Variants in RBM19 observed in about 807,000 individuals in gnomAD.
RBM19 encodes probable RNA-binding protein 19.
A neutral mutation model predicts 116.8 loss-of-function variants in RBM19; 94 were observed. That is an observed-to-expected ratio of 0.80 (90% CI 0.68 to 0.95). RBM19 has a LOEUF of 0.95. Ranked by LOEUF, RBM19 falls within the 40% of genes least tolerant of loss-of-function variation. The pLI is 0.00. For missense variants in RBM19, 1,161 were observed against 1,220.7 expected (o/e 0.95, Z 0.73); for synonymous variants, 475 against 494.1 (o/e 0.96, Z 0.51).
intron 23 of RBM19, among the ~76,000 whole-genome samples, chr12:113,836,491 G>A (rs891210788): frequency 2.0e-5 from 3 of 152,038 alleles, no homozygotes; most frequent in African/African-American, 7.3e-5. Context: ...GAAGGCTTCC[G>A]CTTGGTGGGG....
chr12:113,910,675 CTTA>C (rs1405610044), intron 21 of RBM19, among the ~76,000 whole-genome samples: 2 of 152,238 alleles, frequency 1.3e-5, no homozygotes, highest in South Asian at 2.1e-4. Flanking sequence ...TAACAACAGT[CTTA>C]CCATGTTGGG....
chr12:113,951,751 A>G (rs1871485836), intron 8 of RBM19, among the ~76,000 whole-genome samples: 1 of 152,238 alleles, frequency 6.6e-6, no homozygotes, highest in South Asian at 2.1e-4. Context: ...GAAGAAATGC[A>G]GAAACATGAC....
chr12:113,858,111 C>T (rs1386625450), intron 22 of RBM19, among the ~76,000 whole-genome samples: 1 of 152,270 alleles, frequency 6.6e-6, no homozygotes, highest in Non-Finnish European at 1.5e-5. Context: ...TTGGGTACAG[C>T]CAGGCTCTTG....
At chr12:113,938,026 C>T (rs984987534) in intron 15 of RBM19, among the ~76,000 whole-genome samples, 7 of 152,100 alleles carry the variant, frequency 4.6e-5, no homozygotes, top group Non-Finnish European at 8.8e-5. Flanking sequence ...GCTGTGTGAT[C>T]GTGGGTCAGG....
intron 16 of RBM19, among the ~76,000 whole-genome samples, chr12:113,936,428 A>ACTC (rs2135898149): frequency 6.6e-6 from 1 of 152,346 alleles, no homozygotes; most frequent in East Asian, 1.9e-4. Flanking sequence ...CACTCGTGAC[A>ACTC]CTCAGAGGCA....
chr12:113,924,576 G>A, intron 18 of RBM19, 121 bp downstream of exon 18: 1 of 885,022 alleles, frequency 1.1e-6, no homozygotes. Flanking sequence ...TCAGAAAAAA[G>A]AGAACCTTCA....
chr12:113,955,290 T>G, intron 6 of RBM19, 79 bp from the exon 7 acceptor site: 2 of 1,388,398 alleles, frequency 1.4e-6, no homozygotes, highest in East Asian at 2.3e-5. Context: ...CTGGGACATT[T>G]CAGTGCCAGA....
At chr12:113,854,986 C>T (rs1042292602) in intron 22 of RBM19, among the ~76,000 whole-genome samples, 1 of 152,250 alleles carries the variant, frequency 6.6e-6, no homozygotes, top group Non-Finnish European at 1.5e-5. Flanking sequence ...CTGAGCTCTG[C>T]CACAACAGCC....
At chr12:113,834,316 A>C (rs1271677986) in intron 23 of RBM19, among the ~76,000 whole-genome samples, 1 of 152,182 alleles carries the variant, frequency 6.6e-6, no homozygotes, top group Non-Finnish European at 1.5e-5. Flanking sequence ...TGGAGATCTA[A>C]GCACAGGACT....
At chr12:113,940,671 C>T (rs576286649) in intron 14 of RBM19, among the ~76,000 whole-genome samples, 1 of 152,288 alleles carries the variant, frequency 6.6e-6, no homozygotes, top group South Asian at 2.1e-4. Context: ...CAGGCAGCCA[C>T]AGGGCAGCGT....
chr12:113,919,553 A>G (rs1882985137), intron 19 of RBM19, among the ~76,000 whole-genome samples: 1 of 152,242 alleles, frequency 6.6e-6, no homozygotes, highest in African/African-American at 2.4e-5. Context: ...CCTGGGCGAC[A>G]GAGTGAGACT....
At chr12:113,843,319 G>A (rs1876663980) in intron 23 of RBM19, among the ~76,000 whole-genome samples, 1 of 152,162 alleles carries the variant, frequency 6.6e-6, no homozygotes, top group Non-Finnish European at 1.5e-5. Flanking sequence ...GAGGCCCTGA[G>A]CTGCCCCACA....
At chr12:113,914,503 A>C (rs779340843) in intron 21 of RBM19, among the ~76,000 whole-genome samples, 38 of 152,376 alleles carry the variant, frequency 2.5e-4, no homozygotes, top group Non-Finnish European at 4.9e-4. Flanking sequence ...CTGTTGAAAA[A>C]TGGAATCCAA....
At chr12:113,953,077 T>G (rs1352270567) in intron 7 of RBM19, among the ~76,000 whole-genome samples, 1 of 152,258 alleles carries the variant, frequency 6.6e-6, no homozygotes, top group Non-Finnish European at 1.5e-5. Context: ...ACCTACATGC[T>G]TGCTACTCTG....
In RBM19 at chr12:113,915,057, GT is replaced by G. The variant is rs1882689745; in HGVS notation, c.2469del (p.Lys823AsnfsTer36). 5 of 1,614,208 alleles carry G rather than the reference GT, an allele frequency of 3.1e-6. No individual in the cohort carries two copies. The highest frequency in any genetic ancestry group is 1.7e-5 in the Admixed American group (1 of 60,026). ...GAGGTGGTCTGCTTTCTGGGAACTT[GT>G]TTCTTCCGAGCCAATGTCACGGCTG... ...TKPAVTLARK[K>X]QVPRKQTTSK... is the part of the protein sequence containing the mutation. On this transcript the variant is annotated frameshift_variant, in exon 21 of 24. Transcript: ENST00000261741. LOFTEE classifies it high-confidence loss of function.
intron 23 of RBM19, among the ~76,000 whole-genome samples, chr12:113,835,681 C>A (rs1227856565): frequency 6.6e-6 from 1 of 152,224 alleles, no homozygotes; most frequent in Non-Finnish European, 1.5e-5. Flanking sequence ...GAGCACTTCT[C>A]CGGGCACTCT....
intron 21 of RBM19, among the ~76,000 whole-genome samples, chr12:113,859,600 C>G (rs533448782): frequency 9.9e-5 from 15 of 152,106 alleles, no homozygotes; most frequent in Non-Finnish European, 2.1e-4. Flanking sequence ...CTTGGACCAT[C>G]CCCCCCGGTT....
intron 18 of RBM19, among the ~76,000 whole-genome samples, chr12:113,923,689 C>G (rs530312255): frequency 6.6e-6 from 1 of 152,334 alleles, no homozygotes; most frequent in East Asian, 1.9e-4. Flanking sequence ...ACCTTGTTCC[C>G]GCCGCCTGGC....
intron 16 of RBM19, among the ~76,000 whole-genome samples, chr12:113,933,431 G>A (rs1869789390): frequency 6.6e-6 from 1 of 152,166 alleles, no homozygotes; most frequent in Non-Finnish European, 1.5e-5. Context: ...AGGGCAGGAG[G>A]AGGCCCTGGA....
Sources: allele counts gnomAD v4.1 joint callset (sites outside exome capture counted in the v4.1 genomes callset), GRCh38; gene constraint gnomAD v4.1.1; transcripts MANE v1.5; gene names NCBI Gene and HGNC (gene_info 2026-07-23, HGNC 2026-07-21).